The following IL1RAPL1 variants were observed in gnomAD, a reference collection of about 807,000 sequenced individuals.
The protein encoded by IL1RAPL1 is interleukin 1 receptor accessory protein like 1.
IL1RAPL1 carries 3 observed loss-of-function variants against 48.4 expected under a neutral mutation model. The ratio of observed to expected loss-of-function variants is 0.06; its 90% confidence interval spans 0.03 to 0.16. The LOEUF (loss-of-function observed/expected upper bound fraction) is 0.16. Ranked by LOEUF, IL1RAPL1 falls within the 10% of genes least tolerant of loss-of-function variation. The pLI, the probability that IL1RAPL1 is intolerant of heterozygous loss-of-function variation, is 1.00. For synonymous variants in IL1RAPL1, 185 were observed against 187.7 expected, an observed-to-expected ratio of 0.99 and a Z score of 0.12; for missense variants, 349 against 530.6, an observed-to-expected ratio of 0.66 and a Z score of 3.36.
chrX:29,350,553 A>G (rs574681597), intron 3 of IL1RAPL1, among the ~76,000 whole-genome samples: 1 of 105,451 alleles, frequency 9.5e-6, no homozygotes, highest in Non-Finnish European at 1.9e-5. Flanking sequence ...TGCATGTTCA[A>G]TTCATTGGTG....
At chrX:28,668,383 A>T (rs1005805748) in intron 1 of IL1RAPL1, among the ~76,000 whole-genome samples, 1 of 111,316 alleles carries the variant, frequency 9.0e-6, no homozygotes, top group East Asian at 2.8e-4. Context: ...CTCAGCCTCC[A>T]GAGTAGCTGG....
At chrX:29,262,896 T>TC (rs1453981231) in intron 2 of IL1RAPL1, among the ~76,000 whole-genome samples, 1 of 111,593 alleles carries the variant, frequency 9.0e-6, no homozygotes, top group African/African-American at 3.3e-5. Context: ...CTTTTTTTTT[T>TC]CAAAATAACC....
chrX:29,139,362 G>A (rs1213674250), intron 2 of IL1RAPL1, among the ~76,000 whole-genome samples: 2 of 109,387 alleles, frequency 1.8e-5, no homozygotes, highest in African/African-American at 6.7e-5. Context: ...AAAAAAAATA[G>A]AGCAGCTATG....
At chrX:29,117,994 T>G (rs1373766399) in intron 2 of IL1RAPL1, among the ~76,000 whole-genome samples, 1 of 112,125 alleles carries the variant, frequency 8.9e-6, no homozygotes. Flanking sequence ...AGGCTTACTC[T>G]CAAACAACGG....
At chrX:29,139,901 C>G (rs1929212447) in intron 2 of IL1RAPL1, among the ~76,000 whole-genome samples, 1 of 110,650 alleles carries the variant, frequency 9.0e-6, no homozygotes, top group African/African-American at 3.3e-5. Context: ...CTTAAAGAAC[C>G]ATTTAGTGTC....
intron 1 of IL1RAPL1, among the ~76,000 whole-genome samples, chrX:28,683,540 C>T (rs5943529): frequency 0.38 from 42,384 of 110,268 alleles, 6,303 homozygotes; most frequent in African/African-American, 0.52. Flanking sequence ...TATAACCCCG[C>T]GGGCTAGAAG....
intron 2 of IL1RAPL1, among the ~76,000 whole-genome samples, chrX:29,165,698 A>G (rs981245847): frequency 3.0e-4 from 34 of 111,957 alleles, no homozygotes; most frequent in African/African-American, 1.0e-3. Context: ...TCCCTAGGAC[A>G]GTGATTTCTC....
At chrX:29,774,194 A>C (rs1458157820) in intron 6 of IL1RAPL1, among the ~76,000 whole-genome samples, 1 of 107,206 alleles carries the variant, frequency 9.3e-6, no homozygotes, top group African/African-American at 3.4e-5. Context: ...GTAAATAACT[A>C]AAAATTGTTA....
At chrX:28,854,875 T>C (rs925511828) in intron 2 of IL1RAPL1, among the ~76,000 whole-genome samples, 9 of 111,738 alleles carry the variant, frequency 8.1e-5, no homozygotes, top group African/African-American at 2.9e-4. Context: ...ATCTGATGAT[T>C]GTTCTTGAAA....
chrX:28,967,218 C>T (rs921452741), intron 2 of IL1RAPL1, among the ~76,000 whole-genome samples: 2 of 111,536 alleles, frequency 1.8e-5, no homozygotes, highest in African/African-American at 3.3e-5. Flanking sequence ...CACTTGGTAG[C>T]TCCATCCTGC....
intron 2 of IL1RAPL1, among the ~76,000 whole-genome samples, chrX:29,204,706 C>G (rs1930628860): frequency 9.0e-6 from 1 of 111,667 alleles, no homozygotes; most frequent in South Asian, 3.7e-4. Flanking sequence ...TATTGTATTC[C>G]TATACATAAT....
intron 1 of IL1RAPL1, among the ~76,000 whole-genome samples, chrX:28,664,162 C>G (rs777346232): frequency 8.9e-6 from 1 of 112,322 alleles, no homozygotes; most frequent in Non-Finnish European, 1.9e-5. Flanking sequence ...CAAATGCATT[C>G]AAATGTAACT....
intron 5 of IL1RAPL1, among the ~76,000 whole-genome samples, chrX:29,657,601 T>C (rs1217017038): frequency 8.9e-6 from 1 of 112,269 alleles, no homozygotes; most frequent in Non-Finnish European, 1.9e-5. Flanking sequence ...GCAGTGACAT[T>C]GTGCCTTTTT....
chrX:28,744,552 C>T (rs1396178961), intron 1 of IL1RAPL1, among the ~76,000 whole-genome samples: 1 of 111,061 alleles, frequency 9.0e-6, no homozygotes, highest in Non-Finnish European at 1.9e-5. Flanking sequence ...CTCTGGGTAG[C>T]GTTTTCAAAA....
At chrX:29,229,213 G>A (rs769465105) in intron 2 of IL1RAPL1, among the ~76,000 whole-genome samples, 1 of 110,975 alleles carries the variant, frequency 9.0e-6, no homozygotes, top group African/African-American at 3.3e-5. Context: ...TTCATTGTTT[G>A]TATTTTTGTT....
At position 29,081,020 on chromosome X, in the gene IL1RAPL1, C is replaced by CTTTTCTTTTCTTTTCTTTTCT. The variant is rs1555960746; in HGVS notation, c.83-201915_83-201914insTCTTTTCTTTTCTTTTCTTTT. On this transcript the variant is annotated intron_variant, in intron 2 of 10. Transcript: ENST00000378993. ...TCTCTCTCTCTCTCTCTCTCTCTCTCTTTCTTTTCTTTTCTTTTCTTTTCT... is the reference window on the plus strand; with the variant it reads ...TCTCTCTCTCTCTCTCTCTCTCTCTCTTTTCTTTTCTTTTCTTTTCTTTTCTTTTCTTTTCTTTTCTTTTCT... Among the ~76,000 whole-genome samples, 70 of 41,905 alleles carry CTTTTCTTTTCTTTTCTTTTCT rather than the reference C, an allele frequency of 1.7e-3. 1 individual carries two copies. Among genetic ancestry groups the CTTTTCTTTTCTTTTCTTTTCT allele is most frequent in the South Asian group, 5.9e-3 (4 of 674 alleles). The allele number at this position is 41,905 out of a possible 115,157, so 36.4% of individuals were successfully genotyped here.
chrX:28,792,117 ATTCT>A (rs763723443), intron 2 of IL1RAPL1, among the ~76,000 whole-genome samples: 1 of 111,686 alleles, frequency 9.0e-6, no homozygotes, highest in Admixed American at 9.5e-5. Context: ...TTCTCTTTTG[ATTCT>A]TTATTTTATT....
In IL1RAPL1 at chrX:28,751,250, T is replaced by C. The variant is rs1032476929; in HGVS notation, c.-24-38070T>C. Among the ~76,000 whole-genome samples, 3 of 111,856 alleles carry C rather than the reference T, an allele frequency of 2.7e-5. No individual in the cohort carries two copies. In the Admixed American group the frequency reaches 2.9e-4, roughly 11 times the overall value. The stretch of plus-strand genomic sequence containing the variant: ...TATGATAGCTGTTACTTCTGAATAC[T>C]TTTCTTTTTAACTTTCTTTTAATAA... On this transcript the variant is annotated intron_variant, in intron 1 of 10. Transcript: ENST00000378993.
intron 1 of IL1RAPL1, among the ~76,000 whole-genome samples, chrX:28,762,926 A>G: frequency 9.0e-6 from 1 of 110,997 alleles, no homozygotes. Flanking sequence ...TACACCATTA[A>G]TAATCACTTT....
Sources: allele counts gnomAD v4.1 joint callset (sites outside exome capture counted in the v4.1 genomes callset), GRCh38; gene constraint gnomAD v4.1.1; transcripts MANE v1.5; gene names NCBI Gene and HGNC (gene_info 2026-07-23, HGNC 2026-07-21).